FBXL17: variants seen among roughly 807,000 people sequenced by gnomAD.
FBXL17 encodes F-box and leucine rich repeat protein 17.
A neutral mutation model predicts 66.2 loss-of-function variants in FBXL17; 22 were observed. The observed-to-expected ratio is 0.33, with a 90% CI of 0.24 to 0.47. The LOEUF is 0.47. Ranked by LOEUF, FBXL17 falls within the 20% of genes least tolerant of loss-of-function variation. The pLI is 1.00. For synonymous variants in FBXL17, 474 were observed against 400.5 expected (o/e 1.18, Z -2.19); for missense variants, 878 against 948.2 (o/e 0.93, Z 0.97).
At chr5:107,962,417 T>C (rs1751950821) in intron 7 of FBXL17, among the ~76,000 whole-genome samples, 1 of 152,160 alleles carries the variant, frequency 6.6e-6, no homozygotes, top group Non-Finnish European at 1.5e-5. Context: ...CCATTCTGTG[T>C]CAGACCAGCT....
chr5:108,213,426 T>C (rs1383895415), intron 5 of FBXL17, among the ~76,000 whole-genome samples: 4 of 152,206 alleles, frequency 2.6e-5, no homozygotes, highest in African/African-American at 7.2e-5. Context: ...CCTGGTGGCA[T>C]AGGCACCGCA....
At chr5:108,160,830 A>C (rs1032154334) in intron 6 of FBXL17, among the ~76,000 whole-genome samples, 1 of 152,158 alleles carries the variant, frequency 6.6e-6, no homozygotes, top group Admixed American at 6.5e-5. Context: ...GGGCCCACAT[A>C]ATTCTGTGGG....
chr5:108,062,173 A>G lies in FBXL17; in HGVS notation c.1746-41172T>C, dbSNP rs550978216. ...AATTTCGTATGCTTTCCACTTTTAA[A>G]AAGTTGGGCTCAACTGCTTTTATAA... On this transcript the variant is annotated intron_variant, in intron 6 of 8. Coordinates refer to ENST00000542267, the MANE Select transcript of FBXL17 (RefSeq NM_001163315.3). Among the ~76,000 whole-genome samples, 35 of 152,192 alleles carry G rather than the reference A, an allele frequency of 2.3e-4. 1 individual carries two copies. In the South Asian group the frequency reaches 6.4e-3, roughly 28 times the overall value.
At chr5:108,356,546 T>C (rs530474071) in intron 3 of FBXL17, among the ~76,000 whole-genome samples, 1 of 152,216 alleles carries the variant, frequency 6.6e-6, no homozygotes, top group Admixed American at 6.5e-5. Flanking sequence ...AACTGCATAC[T>C]ACTAAGTGAA....
intron 6 of FBXL17, among the ~76,000 whole-genome samples, chr5:108,172,330 C>T (rs972079165): frequency 1.2e-4 from 18 of 152,184 alleles, no homozygotes; most frequent in African/African-American, 3.9e-4. Context: ...CATATTCTAT[C>T]AGTCACAGCC....
At chr5:108,162,784 T>C (rs1431092525) in intron 6 of FBXL17, among the ~76,000 whole-genome samples, 1 of 152,154 alleles carries the variant, frequency 6.6e-6, no homozygotes, top group Non-Finnish European at 1.5e-5. Context: ...GGAAATTTAA[T>C]ATATATATAA....
intron 6 of FBXL17, among the ~76,000 whole-genome samples, chr5:108,123,968 T>G (rs1477156426): frequency 6.6e-6 from 1 of 152,130 alleles, no homozygotes; most frequent in Non-Finnish European, 1.5e-5. Flanking sequence ...CAGCATTCTT[T>G]TTGAGAATAT....
At chr5:108,070,429 A>G (rs1333205384) in intron 6 of FBXL17, among the ~76,000 whole-genome samples, 1 of 152,222 alleles carries the variant, frequency 6.6e-6, no homozygotes, top group Non-Finnish European at 1.5e-5. Flanking sequence ...GAAGAACTAA[A>G]TTGCTATAAA....
chr5:108,335,925 A>C (rs1000811318), intron 4 of FBXL17, among the ~76,000 whole-genome samples: 9 of 152,232 alleles, frequency 5.9e-5, no homozygotes, highest in East Asian at 5.8e-4. Context: ...GGAAAAAAAA[A>C]CACAATTTAA....
At chr5:107,908,761 G>T (rs1291668721) in intron 7 of FBXL17, among the ~76,000 whole-genome samples, 1 of 152,160 alleles carries the variant, frequency 6.6e-6, no homozygotes, top group Non-Finnish European at 1.5e-5. Context: ...ATATGAGGGA[G>T]CCTTTATATC....
At chr5:108,086,582 A>G (rs939057916) in intron 6 of FBXL17, among the ~76,000 whole-genome samples, 1 of 152,092 alleles carries the variant, frequency 6.6e-6, no homozygotes, top group African/African-American at 2.4e-5. Context: ...TTTTTGAGAT[A>G]GAGTTTCACT....
intron 7 of FBXL17, among the ~76,000 whole-genome samples, chr5:108,015,558 A>G (rs1561368747): frequency 6.6e-6 from 1 of 152,214 alleles, no homozygotes. Context: ...ATGCCTAATA[A>G]CATAAAACAT....
At chr5:108,146,048 C>T (rs1161143204) in intron 6 of FBXL17, among the ~76,000 whole-genome samples, 1 of 150,504 alleles carries the variant, frequency 6.6e-6, no homozygotes, top group Non-Finnish European at 1.5e-5. Context: ...GAAATCCTGT[C>T]TCTACTAAAA....
intron 6 of FBXL17, among the ~76,000 whole-genome samples, chr5:108,128,466 A>T (rs1243257021): frequency 6.6e-6 from 1 of 152,124 alleles, no homozygotes; most frequent in Non-Finnish European, 1.5e-5. Context: ...ATGCTATTAC[A>T]TTACAAAAGA....
At chr5:108,373,088 G>C (rs1356811412) in intron 1 of FBXL17, among the ~76,000 whole-genome samples, 1 of 150,406 alleles carries the variant, frequency 6.6e-6, no homozygotes, top group Non-Finnish European at 1.5e-5. Context: ...ATAATATATA[G>C]TGTTAATTAT....
intron 7 of FBXL17, among the ~76,000 whole-genome samples, chr5:107,946,259 A>ATATATATATC (rs1751279333): frequency 6.2e-5 from 1 of 16,146 alleles, no homozygotes; most frequent in Admixed American, 5.3e-4. Context: ...CTCATTTTAT[A>ATATATATATC]TATATATATA....
At chr5:107,983,556 C>T (rs988364220) in intron 7 of FBXL17, among the ~76,000 whole-genome samples, 1 of 151,794 alleles carries the variant, frequency 6.6e-6, no homozygotes, top group African/African-American at 2.4e-5. Context: ...ACTGAGATAG[C>T]AAAGAGAGAG....
chr5:108,237,645 T>C (rs1404839275), intron 4 of FBXL17, among the ~76,000 whole-genome samples: 1 of 151,984 alleles, frequency 6.6e-6, no homozygotes, highest in Non-Finnish European at 1.5e-5. Flanking sequence ...TGCAGGGTAA[T>C]AAAGAGAAAG....
At chr5:108,033,939 A>T (rs1334049067) in intron 6 of FBXL17, among the ~76,000 whole-genome samples, 1 of 152,200 alleles carries the variant, frequency 6.6e-6, no homozygotes, top group Non-Finnish European at 1.5e-5. Context: ...AGTAATTCAT[A>T]TACTTCCTGA....
Sources: allele counts gnomAD v4.1 joint callset (sites outside exome capture counted in the v4.1 genomes callset), GRCh38; gene constraint gnomAD v4.1.1; transcripts MANE v1.5; gene names NCBI Gene and HGNC (gene_info 2026-07-23, HGNC 2026-07-21).